WFDC6: variants seen among roughly 807,000 people sequenced by gnomAD.
WFDC6 encodes the protein WAP four-disulfide core domain 6.
A neutral mutation model predicts 8.2 loss-of-function variants in WFDC6; 10 were observed. The observed-to-expected ratio is 1.22, with a 90% CI of 0.75 to 2.07. The LOEUF (loss-of-function observed/expected upper bound fraction) is 2.07, where lower values mean the gene tolerates loss of function less well. Among genes scored for constraint, WFDC6 ranks in the 30% most tolerant of loss-of-function variants. The pLI is 0.00. For missense variants in WFDC6, 105 were observed against 104.9 expected, an observed-to-expected ratio of 1.00 and a Z score of 0.00; for synonymous variants, 28 against 37.0, an observed-to-expected ratio of 0.76 and a Z score of 0.88.
chr20:45,537,993 G>C lies in WFDC6; in HGVS notation c.193C>G (p.Arg65Gly). 1 of 1,613,948 alleles carries C rather than the reference G, an allele frequency of 6.2e-7. No homozygotes were observed. The highest frequency in any genetic ancestry group is 8.5e-7 in the Non-Finnish European group (1 of 1,179,904). Residue 65 changes from arginine (R) to glycine (G), a missense_variant, in exon 2 of 3, where the codon CGT (arginine) becomes GGT (glycine). Coordinates refer to ENST00000372670, the MANE Select transcript of WFDC6 (RefSeq NM_080827.2). Reference protein sequence around the residue: ...PENMKCCPFSRGKKCLDFRKV... With the variant: ...PENMKCCPFSGGKKCLDFRKV... ...CTGAAGTCTAAACATTTCTTTCCAC[G>C]GCTGAACGGGCAACACTTCATGTTT...
Position 45,538,013 on chromosome 20 carries a change from A to C in WFDC6, c.173T>G (p.Met58Arg). The C allele has an allele frequency of 6.2e-7, 1 of 1,613,990 alleles. No homozygotes were observed. Among genetic ancestry groups the C allele is most frequent in the Non-Finnish European group, 8.5e-7 (1 of 1,179,928 alleles). ...CTKPRDCPEN[M>R]KCCPFSRGKK... ...TCCACGGCTGAACGGGCAACACTTCATGTTTTCTGGGCAATCTCTGGGTTT... is the reference window on the plus strand; with the variant it reads ...TCCACGGCTGAACGGGCAACACTTCCTGTTTTCTGGGCAATCTCTGGGTTT... Residue 58 changes from methionine to arginine, a missense_variant, in exon 2 of 3, where the codon ATG (methionine) becomes AGG (arginine). Physicochemically the swap from Met to Arg is moderately conservative, Grantham distance 91. Transcript: ENST00000372670.
Position 45,537,981 on chromosome 20 carries a change from A to T in WFDC6, c.205T>A (p.Cys69Ser), listed in dbSNP as rs1230240608. 6.2e-7 allele frequency: 1 copy of T among 1,613,740 alleles called. No homozygotes were observed. Among genetic ancestry groups the T allele is most frequent in the African/African-American group, 1.3e-5 (1 of 74,874 alleles). Residue 69 changes from cysteine to serine, a missense_variant, in exon 2 of 3, where the codon TGT (cysteine) becomes AGT (serine). Cys to Ser is a moderately radical substitution (Grantham distance 112). Transcript: ENST00000372670. The part of the protein sequence containing the change: ...KCCPFSRGKK[C>S]LDFRKVSLTL... ...TGAGTTACCTTTCTGAAGTCTAAAC[A>T]TTTCTTTCCACGGCTGAACGGGCAA... is the stretch of plus-strand genomic sequence containing the variant.
intron 1 of WFDC6, among the ~76,000 whole-genome samples, chr20:45,538,312 C>A (rs563698578): frequency 1.3e-5 from 2 of 152,200 alleles, no homozygotes; most frequent in Non-Finnish European, 2.9e-5. Flanking sequence ...ACCCCTACCC[C>A]CTACCCGCAC....
At chr20:45,535,456 T>C (rs1979330502) in intron 2 of WFDC6, 5 of 1,076,890 alleles carry the variant, frequency 4.6e-6, no homozygotes, top group Admixed American at 7.6e-5. Flanking sequence ...AGGGCTCTGT[T>C]CCCAATTCAG....
At chr20:45,537,263 G>A in intron 2 of WFDC6, 1 of 503,974 alleles carries the variant, frequency 2.0e-6, no homozygotes, top group Non-Finnish European at 3.6e-6. Context: ...CCTATTATCT[G>A]GCCTGAAAGG....
rs1176383007 is a variant in WFDC6, at chr20:45,538,005, A to G, written c.181T>C (p.Cys61Arg). The stretch of plus-strand genomic sequence containing the variant: ...CATTTCTTTCCACGGCTGAACGGGC[A>G]ACACTTCATGTTTTCTGGGCAATCT... Reference protein sequence around the residue: ...PRDCPENMKCCPFSRGKKCLD... With the variant: ...PRDCPENMKCRPFSRGKKCLD... Residue 61 changes from cysteine (C) to arginine (R), a missense_variant, in exon 2 of 3, where the codon TGC (cysteine) becomes CGC (arginine). Coordinates refer to ENST00000372670, the MANE Select transcript of WFDC6 (RefSeq NM_080827.2). 1 of 1,614,024 alleles carries G rather than the reference A, an allele frequency of 6.2e-7. No homozygotes were observed. The highest frequency in any genetic ancestry group is 1.7e-5 in the Admixed American group (1 of 60,016).
chr20:45,535,635 G>A (rs1235330304), intron 2 of WFDC6, among the ~76,000 whole-genome samples: 3 of 152,142 alleles, frequency 2.0e-5, no homozygotes, highest in Admixed American at 6.5e-5. Context: ...ACTAAATCTG[G>A]CTGATTTTGC....
At chr20:45,537,920 TAGG>T in intron 2 of WFDC6, 41 bp downstream of exon 2, 1 of 1,613,176 alleles carries the variant, frequency 6.2e-7, no homozygotes, top group Non-Finnish European at 8.5e-7. Flanking sequence ...CAGGTGGAGA[TAGG>T]AGGTGAGGGC....
intron 2 of WFDC6, chr20:45,537,390 TG>T: frequency 1.1e-6 from 1 of 875,458 alleles, no homozygotes; most frequent in Non-Finnish European, 1.8e-6. Context: ...GAACCCATCA[TG>T]GGTGTCAGGG....
chr20:45,535,037 C>A, intron 2 of WFDC6: 11 of 717,180 alleles, frequency 1.5e-5, no homozygotes, highest in African/African-American at 3.8e-5. Context: ...TCTACTTATA[C>A]TTCTGCATTG....
chr20:45,539,312 C>G lies in WFDC6; in HGVS notation c.91+5G>C, dbSNP rs1239109861. The G allele has an allele frequency of 6.2e-7, 1 of 1,613,710 alleles. No homozygotes were observed. Among genetic ancestry groups the G allele is most frequent in the Admixed American group, 1.7e-5 (1 of 59,996 alleles). Reference sequence around the variant, plus strand: ...CATTGCAAGGACGGAGTTCCCAATACTTACTGCCAAGGATGCCTTCAGCGT... The same window carrying G: ...CATTGCAAGGACGGAGTTCCCAATAGTTACTGCCAAGGATGCCTTCAGCGT... On this transcript the variant is annotated splice_donor_5th_base_variant and intron_variant, in intron 1 of 2. Coordinates refer to ENST00000372670, the MANE Select transcript of WFDC6 (RefSeq NM_080827.2).
intron 2 of WFDC6, chr20:45,537,470 A>G (rs1034931578): frequency 6.9e-6 from 10 of 1,440,190 alleles, no homozygotes; most frequent in Non-Finnish European, 8.6e-6. Flanking sequence ...TTAGAGCTCA[A>G]TAATATGGGC....
chr20:45,536,394 T>G (rs994478777), intron 2 of WFDC6, among the ~76,000 whole-genome samples: 1 of 152,186 alleles, frequency 6.6e-6, no homozygotes, highest in African/African-American at 2.4e-5. Flanking sequence ...ATTGTAGCAT[T>G]GATTAGTGTC....
chr20:45,534,343 G>C lies in WFDC6; in HGVS notation c.*124C>G. On this transcript the variant is annotated 3_prime_UTR_variant, in exon 3 of 3. Coordinates refer to ENST00000372670, the MANE Select transcript of WFDC6 (RefSeq NM_080827.2). ...TGAAGAGATGCTACGCTGGAAGAAA[G>C]TGTGTAAGCAATTCCTGGGGTTCAG... 1 of 1,104,262 alleles carries C rather than the reference G, an allele frequency of 9.1e-7. No homozygotes were observed. Among genetic ancestry groups the C allele is most frequent in the Admixed American group, 1.7e-5 (1 of 58,978 alleles). The allele number at this position is 1,104,262 out of a possible 1,614,324, so 68.4% of individuals were successfully genotyped here.
intron 2 of WFDC6, among the ~76,000 whole-genome samples, chr20:45,534,896 G>A (rs73288207): frequency 0.035 from 5,344 of 152,268 alleles, 184 homozygotes; most frequent in African/African-American, 0.095. Flanking sequence ...TGGGTTTACC[G>A]GGCTTCCGTC....
chr20:45,538,205 A>G (rs1979444974), intron 1 of WFDC6, 111 bp from the exon 2 acceptor site: 1 of 1,564,748 alleles, frequency 6.4e-7, no homozygotes, highest in South Asian at 1.2e-5. Context: ...CACTTCACCT[A>G]TCCCCAGAAG....
At chr20:45,539,216 A>AGGTG in intron 1 of WFDC6, 101 bp downstream of exon 1, 1 of 1,146,792 alleles carries the variant, frequency 8.7e-7, no homozygotes, top group East Asian at 2.4e-5. Context: ...TTCCAGGCAG[A>AGGTG]GGTGGAGAAA....
intron 1 of WFDC6, 45 bp from the exon 2 acceptor site, chr20:45,538,139 A>G: frequency 6.2e-7 from 1 of 1,612,704 alleles, no homozygotes; most frequent in Non-Finnish European, 8.5e-7. Context: ...TAAAGGAGCC[A>G]GTGCTCCCCC....
At chr20:45,535,188 T>C (rs1400566258) in intron 2 of WFDC6, 2 of 1,304,228 alleles carry the variant, frequency 1.5e-6, no homozygotes, top group Non-Finnish European at 2.0e-6. Flanking sequence ...ACCAGACAGA[T>C]AGCTTCAGTT....
Sources: gnomAD v4.1 joint callset for allele counts (sites outside exome capture counted in the v4.1 genomes callset) on GRCh38, gnomAD v4.1.1 for gene constraint, MANE v1.5 for transcripts, NCBI Gene and HGNC (gene_info 2026-07-23, HGNC 2026-07-21) for gene names.